USP31: variants seen among roughly 807,000 people sequenced by gnomAD.
USP31 encodes ubiquitin specific peptidase 31, also known as ubiquitin carboxyl-terminal hydrolase 31.
Under a neutral mutation model 119.4 loss-of-function variants are expected in USP31, and 44 were observed. The observed-to-expected ratio is 0.37, with a 90% CI of 0.29 to 0.47. The LOEUF (loss-of-function observed/expected upper bound fraction) is 0.47, where lower values mean the gene tolerates loss of function less well. Among genes scored for constraint, USP31 ranks in the 20% least tolerant of loss-of-function variants. The pLI is 0.99. For synonymous variants in USP31, 749 were observed against 705.6 expected (o/e 1.06, Z -0.97); for missense variants, 1,643 against 1,730.2 (o/e 0.95, Z 0.89).
At chr16:23,103,052 A>C (rs1346656001) in intron 5 of USP31, among the ~76,000 whole-genome samples, 1 of 152,192 alleles carries the variant, frequency 6.6e-6, no homozygotes, top group Non-Finnish European at 1.5e-5. Flanking sequence ...ACTGAGGGAC[A>C]CCTGTACTCT....
Position 23,066,976 on chromosome 16 carries a change from A to T in USP31, c.*1070T>A, listed in dbSNP as rs1900098906. On this transcript the variant is annotated 3_prime_UTR_variant, in exon 16 of 16. Coordinates refer to ENST00000219689, the MANE Select transcript of USP31 (RefSeq NM_020718.4). ...TGATCACACAACGCTTCAACATACCACCATTGGCTTTTGGCAGAAGGCAAC... is the reference window on the plus strand; with the variant it reads ...TGATCACACAACGCTTCAACATACCTCCATTGGCTTTTGGCAGAAGGCAAC... 1 of 152,178 alleles carries T rather than the reference A, an allele frequency of 6.6e-6. No individual in the cohort carries two copies. The highest frequency in any genetic ancestry group is 1.5e-5 in the Non-Finnish European group (1 of 68,056). 9.4% of individuals were successfully genotyped at this position (152,178 alleles called of 1,614,324 possible). A position where few individuals can be genotyped will look rare whatever the true frequency, so the allele number is the denominator to read the frequency against.
intron 6 of USP31, 140 bp from the exon 7 acceptor site, chr16:23,090,944 TC>T: frequency 1.3e-6 from 1 of 762,360 alleles, no homozygotes; most frequent in Non-Finnish European, 2.0e-6. Context: ...AAAAGAAACA[TC>T]CTACTTAGAT....
intron 1 of USP31, among the ~76,000 whole-genome samples, chr16:23,109,484 A>G (rs1477306929): frequency 6.6e-6 from 1 of 152,198 alleles, no homozygotes; most frequent in East Asian, 1.9e-4. Flanking sequence ...TAGGGAGAAG[A>G]GGCAAATCTT....
chr16:23,130,744 C>G (rs1903005415), intron 1 of USP31, among the ~76,000 whole-genome samples: 2 of 152,234 alleles, frequency 1.3e-5, no homozygotes, highest in Admixed American at 6.5e-5. Flanking sequence ...TGTGGTCTGA[C>G]AGGAACAGCA....
At chr16:23,119,517 C>T (rs1017601308) in intron 1 of USP31, among the ~76,000 whole-genome samples, 12 of 152,202 alleles carry the variant, frequency 7.9e-5, no homozygotes, top group Non-Finnish European at 1.5e-4. Context: ...CAGCATCATA[C>T]AGGGCTCAGG....
intron 6 of USP31, among the ~76,000 whole-genome samples, chr16:23,095,153 T>A (rs1459267714): frequency 1.3e-5 from 2 of 152,216 alleles, no homozygotes; most frequent in East Asian, 3.9e-4. Flanking sequence ...AGAGCTTAAA[T>A]GACCTGATGG....
chr16:23,148,897 G>A lies in USP31; in HGVS notation c.374C>T (p.Pro125Leu). ...APPACAAEPV[P>L]GVAGLRNHGN... ...GTGGTTGCGGAGCCCCGCCACGCCG[G>A]GCACCGGCTCGGCGGCGCAAGCGGG... The change falls in exon 1 of 16, where the codon CCC (proline) becomes CTC (leucine). Residue 125 changes from proline to leucine, a missense_variant. Coordinates refer to ENST00000219689, the MANE Select transcript of USP31 (RefSeq NM_020718.4). The A allele has an allele frequency of 6.9e-7, 1 of 1,441,442 alleles. No individual in the cohort carries two copies. Among genetic ancestry groups the A allele is most frequent in the Non-Finnish European group, 9.2e-7 (1 of 1,089,084 alleles). 89.3% of individuals were successfully genotyped at this position (1,441,442 alleles called of 1,614,324 possible).
rs1483990296 is a variant in USP31 at position 23,068,608 on chromosome 16, T to G, written c.3497A>C (p.Asp1166Ala). 1 of 1,614,074 alleles carries G rather than the reference T, an allele frequency of 6.2e-7. No homozygotes were observed. The highest frequency in any genetic ancestry group is 8.5e-7 in the Non-Finnish European group (1 of 1,180,046). ...GGAGGTGGAGGTGGCGCTGGCTCTG[T>G]CAGAACCCAAGCTTTGTCTGGAGCC... Reference protein sequence around the residue: ...REGSRQSLGSDRASATSTSKP... With the variant: ...REGSRQSLGSARASATSTSKP... Residue 1166 changes from aspartate to alanine, a missense_variant, in exon 16 of 16, where the codon GAC becomes GCC. Asp to Ala is a moderately radical substitution (Grantham distance 126). Coordinates refer to ENST00000219689, the MANE Select transcript of USP31 (RefSeq NM_020718.4).
chr16:23,126,317 CTTT>C (rs1902851145), intron 1 of USP31, among the ~76,000 whole-genome samples: 1 of 116,814 alleles, frequency 8.6e-6, no homozygotes. Flanking sequence ...GACCCTGTCT[CTTT>C]AAAAAAAAAA....
intron 7 of USP31, among the ~76,000 whole-genome samples, chr16:23,089,857 C>T (rs1298592123): frequency 6.6e-6 from 1 of 152,166 alleles, no homozygotes; most frequent in Non-Finnish European, 1.5e-5. Flanking sequence ...ATGGGAAATA[C>T]TGGAGAGCCA....
rs1264591836 is a variant in USP31, at chr16:23,063,984, T to C, written c.*4062A>G. 2 of 152,542 alleles carry C rather than the reference T, an allele frequency of 1.3e-5. No individual in the cohort carries two copies. Among genetic ancestry groups the C allele is most frequent in the African/African-American group, 2.4e-5 (1 of 41,454 alleles). 9.4% of individuals were successfully genotyped at this position (152,542 alleles called of 1,614,324 possible). ...CATGTAGTAGAGTTTAACAATAATG[T>C]ACCCTTTATGAAATGAAAGTTAAAG... is the stretch of plus-strand genomic sequence containing the variant. On this transcript the variant is annotated 3_prime_UTR_variant, in exon 16 of 16. Coordinates refer to ENST00000219689, the MANE Select transcript of USP31 (RefSeq NM_020718.4).
chr16:23,069,490 T>C lies in USP31; in HGVS notation c.2615A>G (p.Lys872Arg), dbSNP rs766299151. 1.2e-6 allele frequency: 2 copies of C among 1,614,208 alleles called. No homozygotes were observed. The highest frequency in any genetic ancestry group is 1.3e-5 in the African/African-American group (1 of 75,052). ...TGGAGAATTGGAGCGCATCTGCAGC[T>C]TAGCAGACAGGGACCATGAAGGTCT... ...CMRPSWSLSA[K>R]LQMRSNSPSR... The change falls in exon 16 of 16, where the codon AAG becomes AGG. Residue 872 changes from lysine to arginine, a missense_variant. Lys to Arg is a conservative substitution (Grantham distance 26, BLOSUM62 2). Around this residue, in one of 5 missense-constraint regions of USP31, gnomAD observed 699 missense variants for 650.9 expected, o/e 1.07. Coordinates refer to ENST00000219689, the MANE Select transcript of USP31 (RefSeq NM_020718.4).
rs1250374598 is a variant in USP31, at chr16:23,073,822, C to T, written c.2235G>A (p.Gln745=). The change falls in exon 14 of 16, where the codon CAG becomes CAA. Residue 745 remains glutamine, a synonymous_variant. Transcript: ENST00000219689. ...LWYCFDDSDV[Q]QLSEDEVCTQ... ...TGCAGACCTCATCTTCTGACAGCTG[C>T]TGCACATCGCTGTCATCGAAGCAGT... 12 of 1,614,014 alleles carry T rather than the reference C, an allele frequency of 7.4e-6. No individual in the cohort carries two copies. Among genetic ancestry groups the T allele is most frequent in the African/African-American group, 2.7e-5 (2 of 74,900 alleles).
chr16:23,072,314 C>A lies in USP31; in HGVS notation c.2336-117G>T, dbSNP rs557319181. 4.2e-5 allele frequency: 58 copies of A among 1,386,244 alleles called. No homozygotes were observed. In the East Asian group the frequency reaches 1.4e-3, roughly 33 times the overall value. The allele number at this position is 1,386,244 out of a possible 1,614,324, so 85.9% of individuals were successfully genotyped here. On this transcript the variant is annotated intron_variant, in intron 14 of 15. Coordinates refer to ENST00000219689, the MANE Select transcript of USP31 (RefSeq NM_020718.4). Reference sequence around the variant, plus strand: ...GCTGGGGGGCGTTGATGTCCTCACCCCGAGGTCAGCATCAATTCCCAGACC... The same window carrying A: ...GCTGGGGGGCGTTGATGTCCTCACCACGAGGTCAGCATCAATTCCCAGACC...
chr16:23,112,135 G>T (rs568449189), intron 1 of USP31, among the ~76,000 whole-genome samples: 14 of 152,226 alleles, frequency 9.2e-5, no homozygotes, highest in African/African-American at 3.4e-4. Context: ...ATACCTGGAA[G>T]GGACCACTGG....
intron 7 of USP31, among the ~76,000 whole-genome samples, chr16:23,088,606 C>T (rs1231313825): frequency 6.6e-6 from 1 of 152,184 alleles, no homozygotes; most frequent in Non-Finnish European, 1.5e-5. Flanking sequence ...TGTCAGGGAA[C>T]TCCCTCTGCT....
At chr16:23,077,978 T>A (rs1300653137) in intron 13 of USP31, among the ~76,000 whole-genome samples, 1 of 152,258 alleles carries the variant, frequency 6.6e-6, no homozygotes, top group African/African-American at 2.4e-5. Flanking sequence ...AAGGGTTAGA[T>A]AACATTAGAG....
At chr16:23,114,581 AC>A (rs1429205156) in intron 1 of USP31, among the ~76,000 whole-genome samples, 6 of 152,216 alleles carry the variant, frequency 3.9e-5, no homozygotes, top group Non-Finnish European at 8.8e-5. Context: ...GGTGGAGACT[AC>A]GTTCAATTAT....
At position 23,065,322 on chromosome 16, in the gene USP31, T is replaced by TAAAAAA. The variant is rs575145264; in HGVS notation, c.*2718_*2723dup. ...TTGTGCTAAATATTGCTGGGAAAAT[T>TAAAAAA]AAAAAAAAAAAAAAAAAGAAAAGAA... On this transcript the variant is annotated 3_prime_UTR_variant, in exon 16 of 16. Coordinates refer to ENST00000219689, the MANE Select transcript of USP31 (RefSeq NM_020718.4). 1 of 108,840 alleles carries TAAAAAA rather than the reference T, an allele frequency of 9.2e-6. No homozygotes were observed. The highest frequency in any genetic ancestry group is 2.0e-5 in the Non-Finnish European group (1 of 51,032). The allele number at this position is 108,840 out of a possible 1,614,324, so 6.7% of individuals were successfully genotyped here.
Sources: allele counts gnomAD v4.1 joint callset (sites outside exome capture counted in the v4.1 genomes callset), GRCh38; gene constraint gnomAD v4.1.1; regional missense constraint gnomAD v4.1.1; transcripts MANE v1.5; gene names NCBI Gene and HGNC (gene_info 2026-07-23, HGNC 2026-07-21).